GABRA6: variants seen among roughly 807,000 people sequenced by gnomAD.
The protein encoded by GABRA6 is gamma-aminobutyric acid type A receptor subunit alpha6.
In GABRA6, 45 loss-of-function variants were observed where a neutral mutation model predicts 47.3. The observed-to-expected ratio is 0.95, with a 90% CI of 0.75 to 1.22. The LOEUF (loss-of-function observed/expected upper bound fraction) is 1.22. Among genes scored for constraint, GABRA6 ranks in the 50% most tolerant of loss-of-function variants. GABRA6 has a pLI of 0.00. For synonymous variants in GABRA6, 219 were observed against 194.7 expected, an observed-to-expected ratio of 1.12 and a Z score of -1.04; for missense variants, 583 against 549.3, an observed-to-expected ratio of 1.06 and a Z score of -0.61.
intron 3 of GABRA6, 113 bp from the exon 4 acceptor site, chr5:161,688,836 G>T: frequency 3.6e-6 from 3 of 827,080 alleles, no homozygotes; most frequent in South Asian, 2.9e-5. Flanking sequence ...AAATTATTGC[G>T]ATAAAAAGTT....
In GABRA6 at chr5:161,689,780, G is replaced by C. The variant is rs752120603; in HGVS notation, c.673+1G>C. 1 of 1,612,100 alleles carries C rather than the reference G, an allele frequency of 6.2e-7. No homozygotes were observed. Among genetic ancestry groups the C allele is most frequent in the Non-Finnish European group, 8.5e-7 (1 of 1,178,346 alleles). On this transcript the variant is annotated splice_donor_variant, in intron 6 of 8. Transcript: ENST00000274545. LOFTEE classifies it high-confidence loss of function. ...AGTGAGACAATTAAATCTAACACAGGTAAGAATTTGACCAAAGGATGGAAA... is the reference window on the plus strand; with the variant it reads ...AGTGAGACAATTAAATCTAACACAGCTAAGAATTTGACCAAAGGATGGAAA...
intron 5 of GABRA6, 90 bp downstream of exon 5, chr5:161,689,426 A>G (rs1581121554): frequency 8.4e-7 from 1 of 1,196,856 alleles, no homozygotes; most frequent in Admixed American, 1.8e-5. Context: ...CAAGGAAGAA[A>G]TAGAATCATG....
At chr5:161,686,636 T>C (rs1754706599) in intron 2 of GABRA6, among the ~76,000 whole-genome samples, 1 of 152,180 alleles carries the variant, frequency 6.6e-6, no homozygotes, top group South Asian at 2.1e-4. Context: ...TGTAAAACAG[T>C]TTTATTAGCA....
At chr5:161,690,955 C>A (rs1237678619) in intron 7 of GABRA6, among the ~76,000 whole-genome samples, 1 of 151,972 alleles carries the variant, frequency 6.6e-6, no homozygotes, top group Non-Finnish European at 1.5e-5. Flanking sequence ...GAATAGAAAT[C>A]ATAAATCTTG....
intron 8 of GABRA6, among the ~76,000 whole-genome samples, chr5:161,698,996 C>T (rs2113086613): frequency 6.6e-6 from 1 of 152,246 alleles, no homozygotes; most frequent in Admixed American, 6.5e-5. Context: ...AATCCTCATT[C>T]AGTCTTTTGT....
Position 161,689,777 on chromosome 5 carries a change from C to T in GABRA6, c.671C>T (p.Thr224Ile). ...TVSSETIKSN[T>I]GEYVIMTVYF... ...TCTAGTGAGACAATTAAATCTAACA[C>T]AGGTAAGAATTTGACCAAAGGATGG... is the stretch of plus-strand genomic sequence containing the variant. The change falls in exon 6 of 9, where the codon ACA becomes ATA. Residue 224 changes from threonine to isoleucine, a missense_variant and splice_region_variant. Coordinates refer to ENST00000274545, the MANE Select transcript of GABRA6 (RefSeq NM_000811.3). The T allele has an allele frequency of 6.2e-7, 1 of 1,612,420 alleles. No homozygotes were observed. Among genetic ancestry groups the T allele is most frequent in the Non-Finnish European group, 8.5e-7 (1 of 1,178,606 alleles).
chr5:161,689,583 A>G, intron 5 of GABRA6, 53 bp from the exon 6 acceptor site: 1 of 1,505,034 alleles, frequency 6.6e-7, no homozygotes, highest in African/African-American at 1.4e-5. Context: ...TTGAAGGAAA[A>G]AAAGACAACT....
At position 161,687,615 on chromosome 5, in the gene GABRA6, A is replaced by AT. The variant is rs1754724745; in HGVS notation, c.225+614dup. ...CTTTTAGAACAAAGTGTATCATGGT[A>AT]TTCTTTTACGGTTCTCAGGTGGCAT... On this transcript the variant is annotated intron_variant, in intron 3 of 8. Coordinates refer to ENST00000274545, the MANE Select transcript of GABRA6 (RefSeq NM_000811.3). The AT allele has an allele frequency of 6.8e-6, 3 of 442,708 alleles. No individual in the cohort carries two copies. The Admixed American group carries it at 7.3e-5, about 11-fold the overall frequency. 27.4% of individuals were successfully genotyped at this position (442,708 alleles called of 1,614,324 possible).
intron 8 of GABRA6, 127 bp from the exon 9 acceptor site, chr5:161,701,371 G>A (rs756036266): frequency 6.1e-6 from 6 of 989,706 alleles, no homozygotes; most frequent in Non-Finnish European, 9.5e-6. Flanking sequence ...AGAATTCATT[G>A]ATGTTTGACC....
chr5:161,693,349 T>C (rs989316530), intron 8 of GABRA6, among the ~76,000 whole-genome samples: 5 of 152,202 alleles, frequency 3.3e-5, no homozygotes, highest in East Asian at 3.9e-4. Context: ...TGTAGAAATA[T>C]ATAATTTAAG....
At chr5:161,700,013 C>T (rs760090352) in intron 8 of GABRA6, among the ~76,000 whole-genome samples, 1 of 152,112 alleles carries the variant, frequency 6.6e-6, no homozygotes, top group Non-Finnish European at 1.5e-5. Flanking sequence ...TCCATGGCCC[C>T]TAAAAACAGT....
intron 8 of GABRA6, 42 bp from the exon 9 acceptor site, chr5:161,701,456 C>T (rs376190825): frequency 1.3e-6 from 2 of 1,594,582 alleles, no homozygotes; most frequent in Admixed American, 1.7e-5. Context: ...TAAGCAATAT[C>T]TATTCTTTCA....
intron 7 of GABRA6, 35 bp from the exon 8 acceptor site, chr5:161,691,906 A>T (rs1306187541): frequency 6.3e-7 from 1 of 1,597,482 alleles, no homozygotes; most frequent in Non-Finnish European, 8.6e-7. Flanking sequence ...GATTCCCAGT[A>T]CTAATATTAC....
Position 161,690,768 on chromosome 5 carries a change from T to A in GABRA6, c.826+415T>A, listed in dbSNP as rs144128655. On this transcript the variant is annotated intron_variant, in intron 7 of 8. Transcript: ENST00000274545. ...ATAAAATTGTCATTTCGTCAATTTT[T>A]TATGATTCAACCTACATATTTAGTT... Among the ~76,000 whole-genome samples the A allele has an allele frequency of 2.1e-3, 323 of 152,312 alleles. 3 individuals carry two copies. The highest frequency in any genetic ancestry group is 7.0e-3 in the African/African-American group (293 of 41,566).
At chr5:161,690,445 T>C (rs1754772323) in intron 7 of GABRA6, 92 bp downstream of exon 7, 2 of 1,264,156 alleles carry the variant, frequency 1.6e-6, no homozygotes, top group African/African-American at 1.5e-5. Context: ...GTGCACTTTT[T>C]CAATCCACAA....
chr5:161,699,135 A>ACTAGG (rs1189816302), intron 8 of GABRA6, among the ~76,000 whole-genome samples: 2 of 152,194 alleles, frequency 1.3e-5, no homozygotes, highest in African/African-American at 4.8e-5. Flanking sequence ...ATTCCAAACA[A>ACTAGG]CTAGGCATGT....
chr5:161,701,868 C>T lies in GABRA6; in HGVS notation c.*95C>T. On this transcript the variant is annotated 3_prime_UTR_variant, in exon 9 of 9. Coordinates refer to ENST00000274545, the MANE Select transcript of GABRA6 (RefSeq NM_000811.3). ...CATTGAGACTTGTGTAGATGCTTCTCAGAACATGAAATCAAATTGGAAATC... is the reference window on the plus strand; with the variant it reads ...CATTGAGACTTGTGTAGATGCTTCTTAGAACATGAAATCAAATTGGAAATC... 1 of 1,303,274 alleles carries T rather than the reference C, an allele frequency of 7.7e-7. No homozygotes were observed. Among genetic ancestry groups the T allele is most frequent in the Non-Finnish European group, 1.1e-6 (1 of 908,948 alleles). 80.7% of individuals were successfully genotyped at this position (1,303,274 alleles called of 1,614,324 possible). A position where few individuals can be genotyped will look rare whatever the true frequency, so the allele number is the denominator to read the frequency against.
chr5:161,696,147 T>G (rs536306595), intron 8 of GABRA6, among the ~76,000 whole-genome samples: 69 of 152,282 alleles, frequency 4.5e-4, no homozygotes, highest in African/African-American at 1.5e-3. Context: ...AAAAAAGAAA[T>G]TAGCCTGGCT....
chr5:161,686,243 C>T lies in GABRA6; in HGVS notation c.52C>T (p.Leu18=). ...LCIILWLENA[L]GKLEVEGNFY... The stretch of plus-strand genomic sequence containing the variant: ...GTCTACACACAGGCTAGAAAATGCC[C>T]TAGGGAAACTCGAAGTTGAAGGCAA... Residue 18 remains leucine, a synonymous_variant, in exon 2 of 9, where the codon CTA becomes TTA. Transcript: ENST00000274545. 1 of 1,613,382 alleles carries T rather than the reference C, an allele frequency of 6.2e-7. No homozygotes were observed.
Sources: gnomAD v4.1 joint callset for allele counts (sites outside exome capture counted in the v4.1 genomes callset) on GRCh38, gnomAD v4.1.1 for gene constraint, MANE v1.5 for transcripts, NCBI Gene and HGNC (gene_info 2026-07-23, HGNC 2026-07-21) for gene names.